The following GALNT14 variants were observed in gnomAD, a reference collection of about 807,000 sequenced individuals.
The protein encoded by GALNT14 is UDP-GalNAc:polypeptide N-acetylgalactosaminyltransferase 14.
In GALNT14, 60 loss-of-function variants were observed where a neutral mutation model predicts 77.5. That is an observed-to-expected ratio of 0.77 (90% CI 0.63 to 0.96). GALNT14 has a LOEUF of 0.96. GALNT14 is among the 40% of genes least tolerant of loss of function. The pLI is 0.00. For synonymous variants in GALNT14, 280 were observed against 281.7 expected (o/e 0.99, Z 0.06); for missense variants, 710 against 731.0 (o/e 0.97, Z 0.33).
chr2:31,048,416 G>C (rs116131256), intron 1 of GALNT14, among the ~76,000 whole-genome samples: 1 of 152,170 alleles, frequency 6.6e-6, no homozygotes, highest in Non-Finnish European at 1.5e-5. Flanking sequence ...AGGAAGACAG[G>C]GCTCTACTTC....
Position 30,990,380 on chromosome 2 carries a change from G to A in GALNT14, c.299+2458C>T, listed in dbSNP as rs193289648. ...CCAGGAATTGCATCAGGATGAAGCC[G>A]GGACACAGTGGGGAGGCTGGAATCA... On this transcript the variant is annotated intron_variant, in intron 2 of 14. Coordinates refer to ENST00000349752, the MANE Select transcript of GALNT14 (RefSeq NM_024572.4). Among the ~76,000 whole-genome samples the A allele has an allele frequency of 2.2e-4, 34 of 152,322 alleles. No homozygotes were observed. In the East Asian group the frequency reaches 5.4e-3, roughly 24 times the overall value.
rs541737956 is a variant in GALNT14 at position 31,011,247 on chromosome 2, A to C, written c.130-18240T>G. On this transcript the variant is annotated intron_variant, in intron 1 of 14. Coordinates refer to ENST00000349752, the MANE Select transcript of GALNT14 (RefSeq NM_024572.4). ...CATTTTACGGATCTAATGGACTAAA[A>C]TAAGTAAAGCACTAAGCTCTGTGCC... Among the ~76,000 whole-genome samples the C allele has an allele frequency of 6.3e-4, 96 of 152,368 alleles. No individual in the cohort carries two copies. The Middle Eastern group carries it at 0.02, about 32-fold the overall frequency.
At chr2:31,108,317 T>C (rs1304594345) in intron 1 of GALNT14, among the ~76,000 whole-genome samples, 2 of 152,218 alleles carry the variant, frequency 1.3e-5, no homozygotes, top group Non-Finnish European at 2.9e-5. Context: ...ACATAAATTC[T>C]TCAAAAGCAA....
chr2:31,022,496 C>T (rs1671781140), intron 1 of GALNT14, among the ~76,000 whole-genome samples: 1 of 152,192 alleles, frequency 6.6e-6, no homozygotes, highest in Non-Finnish European at 1.5e-5. Context: ...TCTACCTTTC[C>T]CCAAGTCAGA....
intron 13 of GALNT14, among the ~76,000 whole-genome samples, chr2:30,921,017 A>C (rs750547743): frequency 6.6e-6 from 1 of 152,188 alleles, no homozygotes; most frequent in Non-Finnish European, 1.5e-5. Context: ...ACTCACCCAC[A>C]GGCCATGCCC....
intron 1 of GALNT14, among the ~76,000 whole-genome samples, chr2:31,007,042 G>A (rs17010540): frequency 0.032 from 4,892 of 152,232 alleles, 241 homozygotes; most frequent in African/African-American, 0.11. Context: ...GGATGGGAGC[G>A]AATGACTTTG....
At chr2:30,993,346 C>A (rs1002163976) in intron 1 of GALNT14, among the ~76,000 whole-genome samples, 1 of 152,132 alleles carries the variant, frequency 6.6e-6, no homozygotes, top group Non-Finnish European at 1.5e-5. Flanking sequence ...GAGGTAAGTA[C>A]CTTGCCCAAG....
chr2:30,987,765 C>T (rs540898950), intron 2 of GALNT14, among the ~76,000 whole-genome samples: 40 of 143,494 alleles, frequency 2.8e-4, no homozygotes, highest in African/African-American at 9.4e-4. Flanking sequence ...CCACATCATG[C>T]GGCATCTTCA....
intron 1 of GALNT14, among the ~76,000 whole-genome samples, chr2:31,129,954 C>G (rs578100151): frequency 3.7e-4 from 56 of 152,238 alleles, no homozygotes; most frequent in African/African-American, 1.3e-3. Flanking sequence ...GATCGGGTTG[C>G]AAGAGCAGGA....
At chr2:31,087,315 C>T (rs1676479710) in intron 1 of GALNT14, among the ~76,000 whole-genome samples, 1 of 152,096 alleles carries the variant, frequency 6.6e-6, no homozygotes, top group Non-Finnish European at 1.5e-5. Context: ...TGCATGACAT[C>T]CAAGTGGAAA....
intron 1 of GALNT14, among the ~76,000 whole-genome samples, chr2:31,112,687 C>G (rs1677903211): frequency 6.6e-6 from 1 of 152,224 alleles, no homozygotes. Flanking sequence ...CCCCCATCCC[C>G]TGTATGACAA....
intron 2 of GALNT14, among the ~76,000 whole-genome samples, chr2:30,978,132 T>C (rs1241308598): frequency 6.6e-6 from 1 of 152,232 alleles, no homozygotes; most frequent in Non-Finnish European, 1.5e-5. Context: ...AGGAGCCTTC[T>C]GGCCCTGCTA....
chr2:31,088,372 C>G (rs2148594740), intron 1 of GALNT14, among the ~76,000 whole-genome samples: 1 of 152,320 alleles, frequency 6.6e-6, no homozygotes. Context: ...TGTCCCATCT[C>G]ACTGATGTTA....
intron 11 of GALNT14, among the ~76,000 whole-genome samples, 175 bp from the exon 12 acceptor site, chr2:30,924,998 C>A (rs1665281557): frequency 6.6e-6 from 1 of 152,226 alleles, no homozygotes; most frequent in Non-Finnish European, 1.5e-5. Context: ...TCTATAACTG[C>A]AGACAGAGCT....
At chr2:31,013,648 T>A (rs1671174081) in intron 1 of GALNT14, among the ~76,000 whole-genome samples, 1 of 152,202 alleles carries the variant, frequency 6.6e-6, no homozygotes, top group Non-Finnish European at 1.5e-5. Context: ...ATGAGCCCAT[T>A]TTGAAGCAGC....
chr2:31,032,490 T>C (rs781425138), intron 1 of GALNT14, among the ~76,000 whole-genome samples: 5 of 152,134 alleles, frequency 3.3e-5, no homozygotes, highest in Non-Finnish European at 7.4e-5. Flanking sequence ...GTAGGCAGAG[T>C]AGCTGGGCTT....
In GALNT14 at chr2:31,134,633, C is replaced by T. The variant is rs531270887; in HGVS notation, c.129+3325G>A. Among the ~76,000 whole-genome samples, 3 of 152,336 alleles carry T rather than the reference C, an allele frequency of 2.0e-5. No individual in the cohort carries two copies. In the South Asian group the frequency reaches 6.2e-4, roughly 32 times the overall value. On this transcript the variant is annotated intron_variant, in intron 1 of 14. Transcript: ENST00000349752. ...CCTCCTGTGCCCCACATGGTGCCTT[C>T]CAAGGGCAGGGGTGATGTCCCTCCG...
At chr2:31,042,266 T>TTACACCTCTC (rs1673143613) in intron 1 of GALNT14, among the ~76,000 whole-genome samples, 1 of 152,218 alleles carries the variant, frequency 6.6e-6, no homozygotes, top group South Asian at 2.1e-4. Context: ...TAAAGGTGAC[T>TTACACCTCTC]TACACCTCTC....
intron 2 of GALNT14, among the ~76,000 whole-genome samples, chr2:30,972,386 G>A (rs559528491): frequency 3.1e-4 from 47 of 152,304 alleles, no homozygotes; most frequent in African/African-American, 9.9e-4. Flanking sequence ...CTGAACCTTC[G>A]CTGCTTGGAG....
Sources: allele counts gnomAD v4.1 joint callset (sites outside exome capture counted in the v4.1 genomes callset), GRCh38; gene constraint gnomAD v4.1.1; transcripts MANE v1.5; gene names NCBI Gene and HGNC (gene_info 2026-07-23, HGNC 2026-07-21).